AR: variants seen among roughly 807,000 people sequenced by gnomAD.
AR encodes the protein dihydrotestosterone receptor.
A neutral mutation model predicts 53.9 loss-of-function variants in AR; 8 were observed. That is an observed-to-expected ratio of 0.15 (90% CI 0.09 to 0.27). AR has a LOEUF of 0.27. Among genes scored for constraint, AR ranks in the 10% least tolerant of loss-of-function variants. AR has a pLI of 1.00. For missense variants in AR, 639 were observed against 742.5 expected (o/e 0.86, Z 1.62); for synonymous variants, 359 against 316.4 (o/e 1.13, Z -1.43).
chrX:67,709,341 G>A (rs1327514910), intron 3 of AR, among the ~76,000 whole-genome samples: 4 of 111,995 alleles, frequency 3.6e-5, no homozygotes, highest in South Asian at 3.8e-4. Context: ...CAGCAATGGC[G>A]GGTGCCCCTC....
At chrX:67,708,779 C>A (rs1376821825) in intron 3 of AR, among the ~76,000 whole-genome samples, 1 of 111,411 alleles carries the variant, frequency 9.0e-6, no homozygotes, top group African/African-American at 3.3e-5. Flanking sequence ...GTTTTATCTA[C>A]CTTTGGTCTT....
intron 1 of AR, among the ~76,000 whole-genome samples, chrX:67,611,681 C>T (rs111325815): frequency 0.071 from 7,873 of 111,057 alleles, 696 homozygotes; most frequent in African/African-American, 0.25. Flanking sequence ...AAAAGACTCA[C>T]GAATTATGGA....
intron 2 of AR, among the ~76,000 whole-genome samples, chrX:67,673,908 T>C (rs1359347330): frequency 9.0e-6 from 1 of 111,322 alleles, no homozygotes; most frequent in Non-Finnish European, 1.9e-5. Context: ...CTTCACAGTC[T>C]GGGCTTGTTC....
At chrX:67,634,753 C>A (rs1834392129) in intron 1 of AR, among the ~76,000 whole-genome samples, 1 of 111,360 alleles carries the variant, frequency 9.0e-6, no homozygotes, top group Non-Finnish European at 1.9e-5. Flanking sequence ...CTTGTAACCA[C>A]AAATAAGTAA....
intron 2 of AR, among the ~76,000 whole-genome samples, chrX:67,670,079 G>A (rs2075854408): frequency 1.1e-5 from 1 of 88,000 alleles, no homozygotes; most frequent in Admixed American, 1.4e-4. Context: ...TTGGTTAAAT[G>A]GGTGAGTTCT....
chrX:67,716,154 T>C, intron 4 of AR, among the ~76,000 whole-genome samples: 1 of 112,208 alleles, frequency 8.9e-6, no homozygotes, highest in Admixed American at 9.5e-5. Context: ...ACGTGGACTG[T>C]ACTAAGTACT....
intron 1 of AR, among the ~76,000 whole-genome samples, chrX:67,595,079 G>C (rs774534216): frequency 9.0e-6 from 1 of 111,471 alleles, no homozygotes; most frequent in Non-Finnish European, 1.9e-5. Flanking sequence ...AGAAGTTGTG[G>C]CTTTAATCTA....
intron 1 of AR, among the ~76,000 whole-genome samples, chrX:67,586,751 G>A (rs769451915): frequency 8.9e-6 from 1 of 111,968 alleles, no homozygotes; most frequent in Non-Finnish European, 1.9e-5. Flanking sequence ...TATAGTTCTT[G>A]TATGTTGAGT....
chrX:67,720,044 C>A (rs757012142), intron 5 of AR, among the ~76,000 whole-genome samples: 9 of 111,861 alleles, frequency 8.0e-5, no homozygotes, highest in East Asian at 2.8e-4. Context: ...TTCTATGTGC[C>A]GCAAATTTTA....
At chrX:67,628,263 C>G (rs1291495899) in intron 1 of AR, among the ~76,000 whole-genome samples, 1 of 105,731 alleles carries the variant, frequency 9.5e-6, no homozygotes, top group African/African-American at 3.3e-5. Context: ...TTCTTCCTAC[C>G]CATGAGCATG....
At chrX:67,615,183 A>G (rs1924059776) in intron 1 of AR, among the ~76,000 whole-genome samples, 2 of 111,366 alleles carry the variant, frequency 1.8e-5, no homozygotes, top group African/African-American at 6.5e-5. Flanking sequence ...AATGGATAAA[A>G]TCTTCCAAAA....
chrX:67,659,525 T>C (rs1327619132), intron 2 of AR, among the ~76,000 whole-genome samples: 2 of 111,272 alleles, frequency 1.8e-5, no homozygotes, highest in Non-Finnish European at 3.8e-5. Flanking sequence ...GCTTCATCCA[T>C]GTCCCTACAA....
chrX:67,565,035 C>T (rs934494188), intron 1 of AR, among the ~76,000 whole-genome samples: 1 of 111,358 alleles, frequency 9.0e-6, no homozygotes, highest in African/African-American at 3.3e-5. Context: ...CTTTGCCCAC[C>T]GCCATTTTCC....
intron 1 of AR, among the ~76,000 whole-genome samples, chrX:67,564,331 C>T (rs1311605957): frequency 9.0e-6 from 1 of 110,958 alleles, no homozygotes; most frequent in Non-Finnish European, 1.9e-5. Flanking sequence ...TGGAAACAAA[C>T]AAGGTGATCC....
rs1923312838 is a variant in AR at position 67,600,703 on chromosome X, A to T, written c.1617-42553A>T. 2.7e-5 allele frequency among the ~76,000 whole-genome samples: 3 copies of T among 111,589 alleles called. No homozygotes were observed. The Admixed American group carries it at 2.9e-4, about 11-fold the overall frequency. The stretch of plus-strand genomic sequence containing the variant: ...ATTTTAAAATAACTAAAGAGGTATA[A>T]TAGGATTGATTGTAACACAAAGAAT... On this transcript the variant is annotated intron_variant, in intron 1 of 7. Coordinates refer to ENST00000374690, the MANE Select transcript of AR (RefSeq NM_000044.6).
chrX:67,657,172 AATGGAAG>A (rs746483772), intron 2 of AR, among the ~76,000 whole-genome samples: 31 of 111,340 alleles, frequency 2.8e-4, no homozygotes, highest in African/African-American at 9.8e-4. Context: ...CCATCCTTAC[AATGGAAG>A]ATTAGTGCTT....
intron 2 of AR, among the ~76,000 whole-genome samples, chrX:67,683,518 C>A (rs144663265): frequency 0.022 from 2,426 of 111,693 alleles, 38 homozygotes; most frequent in Non-Finnish European, 0.033. Context: ...TCAATGGGGC[C>A]CAGAGAGGCA....
chrX:67,709,864 T>G (rs1469750372), intron 3 of AR, among the ~76,000 whole-genome samples: 1 of 111,723 alleles, frequency 9.0e-6, no homozygotes, highest in Non-Finnish European at 1.9e-5. Context: ...GAGCCCAAAA[T>G]GATAGGATAG....
chrX:67,628,695 G>C (rs756239762), intron 1 of AR, among the ~76,000 whole-genome samples: 2,020 of 111,120 alleles, frequency 0.018, 40 homozygotes, highest in African/African-American at 0.063. Flanking sequence ...TGGTGAGAGA[G>C]GGCATCCCTG....
Sources: allele counts gnomAD v4.1 joint callset (sites outside exome capture counted in the v4.1 genomes callset), GRCh38; gene constraint gnomAD v4.1.1; transcripts MANE v1.5; gene names NCBI Gene and HGNC (gene_info 2026-07-23, HGNC 2026-07-21).